HCN1: variants seen among roughly 807,000 people sequenced by gnomAD.
The protein encoded by HCN1 is hyperpolarization activated cyclic nucleotide gated potassium channel 1.
Under a neutral mutation model 78.9 loss-of-function variants are expected in HCN1, and 13 were observed. That is an observed-to-expected ratio of 0.16 (90% CI 0.11 to 0.26). The LOEUF (loss-of-function observed/expected upper bound fraction) is 0.26, where lower values mean the gene tolerates loss of function less well. Among genes scored for constraint, HCN1 ranks in the 10% least tolerant of loss-of-function variants. HCN1 has a pLI of 1.00. For synonymous variants in HCN1, 552 were observed against 455.5 expected (o/e 1.21, Z -2.70); for missense variants, 810 against 1,154.3 (o/e 0.70, Z 4.32).
chr5:45,547,991 A>C (rs758283627), intron 2 of HCN1, among the ~76,000 whole-genome samples: 1 of 151,962 alleles, frequency 6.6e-6, no homozygotes, highest in African/African-American at 2.4e-5. Context: ...GATATAATAC[A>C]TCATATCTTT....
chr5:45,581,857 T>C (rs545116785), intron 2 of HCN1, among the ~76,000 whole-genome samples: 1 of 152,186 alleles, frequency 6.6e-6, no homozygotes, highest in Non-Finnish European at 1.5e-5. Flanking sequence ...TTCTGAGGGC[T>C]CTGTTCTGTT....
chr5:45,626,461 T>A (rs1051865048), intron 2 of HCN1, among the ~76,000 whole-genome samples: 2 of 152,074 alleles, frequency 1.3e-5, no homozygotes, highest in African/African-American at 4.8e-5. Context: ...AGCATCCTAC[T>A]AGAGACAGAG....
intron 2 of HCN1, among the ~76,000 whole-genome samples, chr5:45,537,502 T>C (rs1012184589): frequency 2.2e-5 from 3 of 139,390 alleles, no homozygotes; most frequent in East Asian, 2.3e-4. Flanking sequence ...TTTGTTTCAC[T>C]AATTTAAAGC....
chr5:45,574,772 A>T (rs955539359), intron 2 of HCN1: 1 of 152,196 alleles, frequency 6.6e-6, no homozygotes, highest in African/African-American at 2.4e-5. Context: ...TGAACACAGG[A>T]GTGATAAGAA....
At chr5:45,438,014 A>T (rs747783280) in intron 3 of HCN1, among the ~76,000 whole-genome samples, 2 of 152,184 alleles carry the variant, frequency 1.3e-5, no homozygotes, top group Non-Finnish European at 2.9e-5. Flanking sequence ...AGAACAAGTG[A>T]TCCAAGAAAG....
At chr5:45,627,318 A>T (rs1465135087) in intron 2 of HCN1, among the ~76,000 whole-genome samples, 1 of 152,178 alleles carries the variant, frequency 6.6e-6, no homozygotes, top group Non-Finnish European at 1.5e-5. Context: ...TAAGTCACAC[A>T]TGTCATTTTT....
At chr5:45,287,715 C>T (rs867555386) in intron 6 of HCN1, among the ~76,000 whole-genome samples, 7 of 152,064 alleles carry the variant, frequency 4.6e-5, no homozygotes, top group Non-Finnish European at 8.8e-5. Context: ...CAGACACACA[C>T]ACACATTGAT....
chr5:45,287,736 T>G (rs2111879225), intron 6 of HCN1, among the ~76,000 whole-genome samples: 1 of 152,158 alleles, frequency 6.6e-6, no homozygotes, highest in East Asian at 1.9e-4. Context: ...ATAGAGTCAT[T>G]TTCATTGCTA....
At chr5:45,644,708 G>A (rs929067482) in intron 2 of HCN1, 2 of 155,820 alleles carry the variant, frequency 1.3e-5, no homozygotes, top group African/African-American at 4.8e-5. Context: ...ATACAATTTG[G>A]AAATAAAGAA....
At chr5:45,690,554 C>T (rs1050215383) in intron 1 of HCN1, among the ~76,000 whole-genome samples, 3 of 151,908 alleles carry the variant, frequency 2.0e-5, no homozygotes, top group African/African-American at 7.3e-5. Flanking sequence ...ACATAAAATT[C>T]CAGGATGCAC....
intron 3 of HCN1, among the ~76,000 whole-genome samples, chr5:45,398,673 G>T (rs533748304): frequency 6.6e-6 from 1 of 152,220 alleles, no homozygotes; most frequent in African/African-American, 2.4e-5. Context: ...TTCAAGATTT[G>T]CATATAATTT....
chr5:45,362,072 T>C (rs1217246484), intron 4 of HCN1, among the ~76,000 whole-genome samples: 1 of 152,126 alleles, frequency 6.6e-6, no homozygotes, highest in Non-Finnish European at 1.5e-5. Flanking sequence ...AAATGTGTGC[T>C]TGAATATTTT....
At chr5:45,285,283 G>A (rs1357917872) in intron 6 of HCN1, among the ~76,000 whole-genome samples, 1 of 152,030 alleles carries the variant, frequency 6.6e-6, no homozygotes, top group Admixed American at 6.6e-5. Flanking sequence ...GTGGGCCAAT[G>A]CACATGGCTA....
At chr5:45,360,237 T>G (rs889022626) in intron 4 of HCN1, among the ~76,000 whole-genome samples, 1 of 151,738 alleles carries the variant, frequency 6.6e-6, no homozygotes, top group Non-Finnish European at 1.5e-5. Context: ...GTATAAATTT[T>G]ATATTCCAGT....
intron 2 of HCN1, among the ~76,000 whole-genome samples, chr5:45,474,624 T>C (rs1038010555): frequency 6.6e-6 from 1 of 151,942 alleles, no homozygotes; most frequent in African/African-American, 2.4e-5. Flanking sequence ...GTTTAACATA[T>C]AAGACTCTTC....
chr5:45,336,825 T>C (rs1746466839), intron 5 of HCN1, among the ~76,000 whole-genome samples: 1 of 152,054 alleles, frequency 6.6e-6, no homozygotes, highest in African/African-American at 2.4e-5. Context: ...TCTCCTCATA[T>C]GGCAGAAGGG....
At chr5:45,366,048 A>G (rs1747228166) in intron 4 of HCN1, among the ~76,000 whole-genome samples, 1 of 151,858 alleles carries the variant, frequency 6.6e-6, no homozygotes, top group Admixed American at 6.6e-5. Context: ...GGCTAAATCT[A>G]CTAGGCTATC....
rs1554022665 is a variant in HCN1, at chr5:45,396,440, A to G, written c.1230+52T>C. On this transcript the variant is annotated intron_variant, in intron 4 of 7. Transcript: ENST00000303230. Reference sequence around the variant, plus strand: ...AGTTATCTTGAACACAATTCAATTTACTGGTTCAGGTTAGCTGGTTAAAGA... The same window carrying G: ...AGTTATCTTGAACACAATTCAATTTGCTGGTTCAGGTTAGCTGGTTAAAGA... The G allele has an allele frequency of 1.1e-5, 15 of 1,380,988 alleles. No individual in the cohort carries two copies. In the South Asian group the frequency reaches 1.7e-4, roughly 16 times the overall value. 85.5% of individuals were successfully genotyped at this position (1,380,988 alleles called of 1,614,324 possible).
chr5:45,371,945 AT>A (rs1747378185), intron 4 of HCN1, among the ~76,000 whole-genome samples: 1 of 99,514 alleles, frequency 1.0e-5, no homozygotes, highest in Admixed American at 1.7e-4. Context: ...TATATAATAT[AT>A]AATATAATAT....
Sources: gnomAD v4.1 joint callset for allele counts (sites outside exome capture counted in the v4.1 genomes callset) on GRCh38, gnomAD v4.1.1 for gene constraint, MANE v1.5 for transcripts, NCBI Gene and HGNC (gene_info 2026-07-23, HGNC 2026-07-21) for gene names.